Variants in MYO7B observed in about 807,000 individuals in gnomAD.
MYO7B encodes the protein myosin VIIB, also known as unconventional myosin-VIIb.
Under a neutral mutation model 259.7 loss-of-function variants are expected in MYO7B, and 212 were observed. The observed-to-expected ratio is 0.82, with a 90% CI of 0.73 to 0.91. The LOEUF (loss-of-function observed/expected upper bound fraction) is 0.91, where lower values mean the gene tolerates loss of function less well. Ranked by LOEUF, MYO7B falls within the 40% of genes least tolerant of loss-of-function variation. MYO7B has a pLI of 0.00. For missense variants in MYO7B, 2,732 were observed against 2,813.5 expected, an observed-to-expected ratio of 0.97 and a Z score of 0.66; for synonymous variants, 1,197 against 1,166.4, an observed-to-expected ratio of 1.03 and a Z score of -0.54.
chr2:127,574,201 G>C, intron 7 of MYO7B, 139 bp downstream of exon 7: 1 of 1,136,816 alleles, frequency 8.8e-7, no homozygotes, highest in Non-Finnish European at 1.2e-6. Flanking sequence ...GGATAATGAG[G>C]GCCCTTCCCC....
chr2:127,605,380 A>G (rs1188148978), intron 19 of MYO7B, among the ~76,000 whole-genome samples: 1 of 152,180 alleles, frequency 6.6e-6, no homozygotes, highest in Non-Finnish European at 1.5e-5. Context: ...TGGATCACTT[A>G]AGGTCAGGAG....
rs544530919 is a variant in MYO7B at position 127,628,100 on chromosome 2, C to A, written c.4461-272C>A. 1 of 624,436 alleles carries A rather than the reference C, an allele frequency of 1.6e-6. No homozygotes were observed. The highest frequency in any genetic ancestry group is 1.5e-5 in the South Asian group (1 of 66,076). 38.7% of individuals were successfully genotyped at this position (624,436 alleles called of 1,614,324 possible). A position where few individuals can be genotyped will look rare whatever the true frequency, so the allele number is the denominator to read the frequency against. The stretch of plus-strand genomic sequence containing the variant: ...AGCTCTGACCTTTGCAGTGTCCCTG[C>A]GGTGTCACTGCACACCAGCCACCTC... On this transcript the variant is annotated intron_variant, in intron 33 of 47. Coordinates refer to ENST00000409816, the MANE Select transcript of MYO7B (RefSeq NM_001393586.1). This position sits in a 1 kb window ranked among gnomAD's most constrained non-coding sequence, Gnocchi z 4.8.
Position 127,573,973 on chromosome 2 carries a change from T to C in MYO7B, c.646T>C (p.Tyr216His). 6.2e-7 allele frequency: 1 copy of C among 1,614,048 alleles called. No homozygotes were observed. ...RNDNSSRFGK[Y>H]IDIYFNPSGV... ...CGACAACTCAAGCCGCTTTGGGAAGTACATTGACATCTACTTTAACCCCAG... is the reference window on the plus strand; with the variant it reads ...CGACAACTCAAGCCGCTTTGGGAAGCACATTGACATCTACTTTAACCCCAG... Residue 216 changes from tyrosine (Y) to histidine (H), a missense_variant, in exon 7 of 48, where the codon TAC (tyrosine) becomes CAC (histidine). Coordinates refer to ENST00000409816, the MANE Select transcript of MYO7B (RefSeq NM_001393586.1).
Position 127,622,054 on chromosome 2 carries a change from T to C in MYO7B, c.3598T>C (p.Tyr1200His), listed in dbSNP as rs1414802074. The change falls in exon 28 of 48, where the codon TAT (tyrosine) becomes CAT (histidine). Residue 1200 changes from tyrosine to histidine, a missense_variant. Physicochemically the swap from Tyr to His is moderately conservative, Grantham distance 83. This residue lies in a region of MYO7B where 1,906 missense variants were observed against 2,026.4 expected (regional missense o/e 0.94). Transcript: ENST00000409816. ...CTGTGCCGAGCGCCTGAGACGCACC[T>C]ATGCCAATGGGGTGCGTGCGGAGCC... ...PFCAERLRRTYANGVRAEPPT... is the reference protein window; with the variant it reads ...PFCAERLRRTHANGVRAEPPT... 1 of 1,551,708 alleles carries C rather than the reference T, an allele frequency of 6.4e-7. No individual in the cohort carries two copies. The highest frequency in any genetic ancestry group is 8.7e-7 in the Non-Finnish European group (1 of 1,146,972).
In MYO7B at chr2:127,622,040, G is replaced by T. The variant is rs201359831; in HGVS notation, c.3584G>T (p.Arg1195Leu). The part of the protein sequence containing the change: ...PATYGPFCAE[R>L]LRRTYANGVR... ...ACCTACGGCCCCTTCTGTGCCGAGC[G>T]CCTGAGACGCACCTATGCCAATGGG... Residue 1195 changes from arginine to leucine, a missense_variant, in exon 28 of 48, where the codon CGC becomes CTC. Around this residue, in one of 3 missense-constraint regions of MYO7B, gnomAD observed 1,906 missense variants for 2,026.4 expected, o/e 0.94. Transcript: ENST00000409816. 1 of 1,551,742 alleles carries T rather than the reference G, an allele frequency of 6.4e-7. No homozygotes were observed. The highest frequency in any genetic ancestry group is 2.0e-5 in the Admixed American group (1 of 51,016).
At chr2:127,550,678 G>C (rs974671658) in intron 1 of MYO7B, among the ~76,000 whole-genome samples, 1 of 152,070 alleles carries the variant, frequency 6.6e-6, no homozygotes, top group Non-Finnish European at 1.5e-5. Context: ...AAGGTGAGAA[G>C]GTGGAGGCAG....
Position 127,566,678 on chromosome 2 carries a change from G to T in MYO7B, c.321G>T (p.Pro107=). 1 of 1,603,334 alleles carries T rather than the reference G, an allele frequency of 6.2e-7. No homozygotes were observed. The change falls in exon 5 of 48, where the codon CCG becomes CCT. Residue 107 remains proline (P), a synonymous_variant. Coordinates refer to ENST00000409816, the MANE Select transcript of MYO7B (RefSeq NM_001393586.1). ...GCTCCATCCTGGTGGCCGTCAACCCGTTCCAGGTGCTGCCGCTCTACACCC... is the reference window on the plus strand; with the variant it reads ...GCTCCATCCTGGTGGCCGTCAACCCTTTCCAGGTGCTGCCGCTCTACACCC... The part of the protein sequence containing the change: ...YTGSILVAVN[P]FQVLPLYTLE...
At chr2:127,637,149 G>T in intron 47 of MYO7B, 167 bp from the exon 48 acceptor site, 1 of 903,792 alleles carries the variant, frequency 1.1e-6, no homozygotes. Context: ...GGGAGACCCA[G>T]CTCCAGCAGG....
chr2:127,585,342 G>A lies in MYO7B; in HGVS notation c.1690+429G>A, dbSNP rs994725511. 1.3e-5 allele frequency among the ~76,000 whole-genome samples: 2 copies of A among 151,944 alleles called. No individual in the cohort carries two copies. The highest frequency in any genetic ancestry group is 1.9e-4 in the East Asian group (1 of 5,186). The stretch of plus-strand genomic sequence containing the variant: ...TTGCATAAATGGAACCATATAATAC[G>A]TGGTCTTCTGTGGCTGGTTTCTTTC... On this transcript the variant is annotated intron_variant, in intron 14 of 47. Transcript: ENST00000409816. This position sits in a 1 kb window ranked among gnomAD's most constrained non-coding sequence, Gnocchi z 4.3.
At position 127,607,852 on chromosome 2, in the gene MYO7B, G is replaced by C. The variant is rs1435126349; in HGVS notation, c.2643+428G>C. On this transcript the variant is annotated intron_variant, in intron 21 of 47. Coordinates refer to ENST00000409816, the MANE Select transcript of MYO7B (RefSeq NM_001393586.1). The surrounding 1 kb of genome is among the most constrained non-coding windows in gnomAD (Gnocchi z 4.4). ...CCCTTTCACCTTGGAGATGATTTCT[G>C]GGGCAGGGATGGTTGGTCCCCTGGA... Among the ~76,000 whole-genome samples the C allele has an allele frequency of 1.3e-5, 2 of 152,170 alleles. No homozygotes were observed. Among genetic ancestry groups the C allele is most frequent in the African/African-American group, 4.8e-5 (2 of 41,448 alleles).
At chr2:127,549,080 C>T (rs1693345789) in intron 1 of MYO7B, among the ~76,000 whole-genome samples, 1 of 152,076 alleles carries the variant, frequency 6.6e-6, no homozygotes, top group African/African-American at 2.4e-5. Flanking sequence ...ATTCCTTGCC[C>T]TGAAGTCTGC....
Position 127,622,291 on chromosome 2 carries a change from A to T in MYO7B, c.3645+190A>T, listed in dbSNP as rs1680877186. On this transcript the variant is annotated intron_variant, in intron 28 of 47. Transcript: ENST00000409816. ...CTGGGGCTCGGCCTCCCCAGGCGTG[A>T]CCCCCATCTCCAAATCCATATTCCT... 2.0e-5 allele frequency among the ~76,000 whole-genome samples: 3 copies of T among 152,008 alleles called. No individual in the cohort carries two copies. In the South Asian group the frequency reaches 6.2e-4, roughly 32 times the overall value.
At chr2:127,621,442 G>A (rs1198375166) in intron 27 of MYO7B, among the ~76,000 whole-genome samples, 2 of 152,074 alleles carry the variant, frequency 1.3e-5, no homozygotes, top group Non-Finnish European at 2.9e-5. Context: ...TGTATTTTTA[G>A]TAGAAATGGG....
intron 1 of MYO7B, among the ~76,000 whole-genome samples, chr2:127,556,663 A>T (rs1406951292): frequency 2.6e-5 from 4 of 152,190 alleles, no homozygotes; most frequent in Non-Finnish European, 5.9e-5. Context: ...GTTTTGCTGG[A>T]TACAAAATTC....
At position 127,615,220 on chromosome 2, in the gene MYO7B, G is replaced by C. The variant is rs1339201839; in HGVS notation, c.3398+2617G>C. 6.6e-6 allele frequency among the ~76,000 whole-genome samples: 1 copy of C among 152,182 alleles called. No individual in the cohort carries two copies. The highest frequency in any genetic ancestry group is 6.5e-5 in the Admixed American group (1 of 15,290). On this transcript the variant is annotated intron_variant, in intron 26 of 47. Transcript: ENST00000409816. The surrounding 1 kb of genome is among the most constrained non-coding windows in gnomAD (Gnocchi z 4.4). ...TTAGTGCCTACCTGGGCCAAGGAAG[G>C]AGGAGGGGTGTTTGCCAGACAGAGG...
At chr2:127,566,871 A>G (rs777953482) in intron 5 of MYO7B, 44 bp downstream of exon 5, 4 of 1,569,084 alleles carry the variant, frequency 2.5e-6, no homozygotes, top group Middle Eastern at 1.7e-4. Flanking sequence ...ATCTCCCTGA[A>G]CTGCTCCCCA....
At chr2:127,635,996 TCACATGGGTG>T (rs1270863761) in intron 44 of MYO7B, 89 bp downstream of exon 44, 2 of 1,458,464 alleles carry the variant, frequency 1.4e-6, no homozygotes, top group Non-Finnish European at 1.8e-6. Context: ...GGCTCCAAGA[TCACATGGGTG>T]CACATGGGTG....
At position 127,582,444 on chromosome 2, in the gene MYO7B, T is replaced by C; in HGVS notation, c.1341T>C (p.Asn447=). 1.2e-6 allele frequency: 2 copies of C among 1,612,700 alleles called. No homozygotes were observed. Among genetic ancestry groups the C allele is most frequent in the Non-Finnish European group, 1.7e-6 (2 of 1,179,466 alleles). Residue 447 remains asparagine, a splice_region_variant and synonymous_variant, in exon 12 of 48, where the codon AAT becomes AAC. Coordinates refer to ENST00000409816, the MANE Select transcript of MYO7B (RefSeq NM_001393586.1). ...TTGGCTTTGAAAATTTCGAGAACAATAGGTATGAAGATCTCAGATCCCAGC... is the reference window on the plus strand; with the variant it reads ...TTGGCTTTGAAAATTTCGAGAACAACAGGTATGAAGATCTCAGATCCCAGC... ...DIFGFENFEN[N]SFEQLCINFA... is the part of the protein sequence containing the mutation.
In MYO7B at chr2:127,632,274, C is replaced by G; in HGVS notation, c.5278C>G (p.Leu1760Val). 1 of 1,611,760 alleles carries G rather than the reference C, an allele frequency of 6.2e-7. No individual in the cohort carries two copies. Residue 1760 changes from leucine (L) to valine (V), a missense_variant, in exon 39 of 48, where the codon CTG becomes GTG. Physicochemically the swap from Leu to Val is conservative, Grantham distance 32. This residue lies in a region of MYO7B where 821 missense variants were observed against 769.3 expected (regional missense o/e 1.07). Coordinates refer to ENST00000409816, the MANE Select transcript of MYO7B (RefSeq NM_001393586.1). ...CAGCGAAGAGCGGGGCTGGCAGCTGCTGTGGCTGTGCACGGGCCTCTTCCC... is the reference window on the plus strand; with the variant it reads ...CAGCGAAGAGCGGGGCTGGCAGCTGGTGTGGCTGTGCACGGGCCTCTTCCC... ...RHSEERGWQL[L>V]WLCTGLFPPS...
Sources: gnomAD v4.1 joint callset for allele counts (sites outside exome capture counted in the v4.1 genomes callset) on GRCh38, gnomAD v4.1.1 for gene constraint, gnomAD v4.1.1 regional missense constraint, Gnocchi (gnomAD v3.1) non-coding constraint, MANE v1.5 for transcripts, NCBI Gene and HGNC (gene_info 2026-07-23, HGNC 2026-07-21) for gene names.